Variants in ADAM22 observed in about 807,000 individuals in gnomAD.
ADAM22 encodes the protein ADAM metallopeptidase domain 22, also known as disintegrin and metalloproteinase domain-containing protein 22.
A neutral mutation model predicts 144.6 loss-of-function variants in ADAM22; 65 were observed. That is an observed-to-expected ratio of 0.45 (90% CI 0.37 to 0.55). ADAM22 has a LOEUF of 0.55. Ranked by LOEUF, ADAM22 falls within the 20% of genes least tolerant of loss-of-function variation. ADAM22 has a pLI of 0.00. For synonymous variants in ADAM22, 391 were observed against 412.6 expected (o/e 0.95, Z 0.63); for missense variants, 974 against 1,184.9 (o/e 0.82, Z 2.61).
At chr7:88,170,624 G>A (rs1355380037) in intron 25 of ADAM22, among the ~76,000 whole-genome samples, 1 of 151,918 alleles carries the variant, frequency 6.6e-6, no homozygotes, top group East Asian at 1.9e-4. Context: ...TTGCCGTCAT[G>A]TGCCCGTTAT....
At chr7:88,100,889 G>C (rs1005457820) in intron 4 of ADAM22, among the ~76,000 whole-genome samples, 11 of 151,888 alleles carry the variant, frequency 7.2e-5, no homozygotes, top group Non-Finnish European at 1.6e-4. Flanking sequence ...GATGCCAGTC[G>C]AGAGGGAGTT....
At chr7:88,050,811 C>T (rs960794841) in intron 3 of ADAM22, among the ~76,000 whole-genome samples, 1 of 152,130 alleles carries the variant, frequency 6.6e-6, no homozygotes, top group African/African-American at 2.4e-5. Context: ...CTGTAGGTTG[C>T]CTGTTCACTC....
At chr7:88,103,266 T>C (rs372610627) in intron 4 of ADAM22, among the ~76,000 whole-genome samples, 15 of 152,184 alleles carry the variant, frequency 9.9e-5, no homozygotes, top group African/African-American at 3.1e-4. Flanking sequence ...TATTAGGTTT[T>C]CCTCATTTTA....
At chr7:87,982,068 T>TATATATATATATACACACACACAC (rs1244517564) in intron 3 of ADAM22, among the ~76,000 whole-genome samples, 2 of 93,720 alleles carry the variant, frequency 2.1e-5, no homozygotes, top group Middle Eastern at 6.3e-3. Flanking sequence ...TATATATATA[T>TATATATATATATACACACACACAC]ACACACACAC....
chr7:88,056,658 A>T (rs986935660), intron 3 of ADAM22, among the ~76,000 whole-genome samples: 5 of 152,182 alleles, frequency 3.3e-5, no homozygotes, highest in African/African-American at 4.8e-5. Context: ...AATATATATG[A>T]TGTTTTCTCC....
rs780093481 is a variant in ADAM22, at chr7:88,149,025, A to G, written c.1534A>G (p.Ile512Val). The G allele has an allele frequency of 1.2e-6, 2 of 1,612,502 alleles. No homozygotes were observed. The highest frequency in any genetic ancestry group is 2.2e-5 in the East Asian group (1 of 44,798). ...CCGAGAAGCAGTAAATGATTGTGAT[A>G]TTCGTGAAACGTGCTCAGGAAATTC... Reference protein sequence around the residue: ...VCREAVNDCDIRETCSGNSSQ... With the variant: ...VCREAVNDCDVRETCSGNSSQ... The change falls in exon 18 of 32, where the codon ATT (isoleucine) becomes GTT (valine). Residue 512 changes from isoleucine to valine, a missense_variant. Physicochemically the swap from Ile to Val is conservative, Grantham distance 29. Transcript: ENST00000413139.
chr7:88,014,777 T>C (rs1163132906), intron 3 of ADAM22, among the ~76,000 whole-genome samples: 2 of 152,246 alleles, frequency 1.3e-5, no homozygotes, highest in Non-Finnish European at 2.9e-5. Flanking sequence ...GAGGTCACGT[T>C]TACCAAGTCA....
Position 88,181,499 on chromosome 7 carries a change from T to C in ADAM22, c.2496-6T>C. ...TTGAACAATTTATCAATATTTTCAA[T>C]TTCAGGTCAAATGGGCTCTCTCATT... On this transcript the variant is annotated splice_region_variant and splice_polypyrimidine_tract_variant and intron_variant, in intron 27 of 31. Coordinates refer to ENST00000413139, the MANE Select transcript of ADAM22 (RefSeq NM_001324418.2). The C allele has an allele frequency of 6.2e-7, 1 of 1,611,730 alleles. No homozygotes were observed. The highest frequency in any genetic ancestry group is 2.2e-5 in the East Asian group (1 of 44,848).
chr7:88,019,204 T>C (rs1410754251), intron 3 of ADAM22, among the ~76,000 whole-genome samples: 7 of 152,210 alleles, frequency 4.6e-5, no homozygotes. Flanking sequence ...CCAGGTGTCA[T>C]GGCTCACACC....
intron 2 of ADAM22, among the ~76,000 whole-genome samples, chr7:87,954,983 C>T (rs1459651165): frequency 2.0e-5 from 3 of 152,188 alleles, no homozygotes; most frequent in Non-Finnish European, 4.4e-5. Flanking sequence ...CTTTCAGCTC[C>T]ATCAGCTCCT....
At chr7:88,180,101 T>C (rs1334751414) in intron 27 of ADAM22, among the ~76,000 whole-genome samples, 1 of 152,080 alleles carries the variant, frequency 6.6e-6, no homozygotes, top group Non-Finnish European at 1.5e-5. Context: ...TAGTGAGACC[T>C]GGGAACTCTA....
At chr7:88,133,993 A>G (rs1429693875) in intron 12 of ADAM22, among the ~76,000 whole-genome samples, 3 of 152,204 alleles carry the variant, frequency 2.0e-5, no homozygotes, top group Non-Finnish European at 4.4e-5. Flanking sequence ...TTTATTTTGT[A>G]TTATCCAAAA....
intron 9 of ADAM22, among the ~76,000 whole-genome samples, chr7:88,129,353 T>C (rs1267191896): frequency 6.6e-6 from 1 of 152,110 alleles, no homozygotes. Flanking sequence ...TGCTGAATTT[T>C]ACTTAAGTTC....
At chr7:88,139,337 G>A (rs1158172875) in intron 14 of ADAM22, among the ~76,000 whole-genome samples, 1 of 151,982 alleles carries the variant, frequency 6.6e-6, no homozygotes, top group African/African-American at 2.4e-5. Context: ...AAAATTGCTT[G>A]AACCCAGGAG....
chr7:88,076,171 G>A (rs1228198865), intron 4 of ADAM22, among the ~76,000 whole-genome samples: 1 of 152,086 alleles, frequency 6.6e-6, no homozygotes, highest in Non-Finnish European at 1.5e-5. Flanking sequence ...CCGAGTAGCT[G>A]GGATTACAGG....
chr7:87,961,839 C>T (rs1011908953), intron 2 of ADAM22, among the ~76,000 whole-genome samples: 4 of 152,150 alleles, frequency 2.6e-5, no homozygotes, highest in African/African-American at 9.7e-5. Context: ...TTGGAACAGA[C>T]TATAAATGGG....
rs149555576 is a variant in ADAM22 at position 88,114,025 on chromosome 7, C to T, written c.474-559C>T. On this transcript the variant is annotated intron_variant, in intron 5 of 31. Transcript: ENST00000413139. ...TCCTTACTTATAAAATAAGGATAGT[C>T]GTTGTACTTCTCTTGTAGATTTGTG... Among the ~76,000 whole-genome samples, 4 of 151,862 alleles carry T rather than the reference C, an allele frequency of 2.6e-5. No individual in the cohort carries two copies. In the East Asian group the frequency reaches 7.8e-4, roughly 29 times the overall value.
intron 3 of ADAM22, among the ~76,000 whole-genome samples, chr7:87,987,307 T>G (rs1345838770): frequency 3.3e-5 from 5 of 152,126 alleles, no homozygotes; most frequent in Non-Finnish European, 5.9e-5. Flanking sequence ...GCCTCCCAAG[T>G]AGCTGGGATT....
intron 3 of ADAM22, among the ~76,000 whole-genome samples, chr7:87,988,709 T>C (rs1789045286): frequency 6.6e-6 from 1 of 152,218 alleles, no homozygotes; most frequent in African/African-American, 2.4e-5. Flanking sequence ...TTATTTTTTG[T>C]GCTGCCTTTG....
Sources: gnomAD v4.1 joint callset for allele counts (sites outside exome capture counted in the v4.1 genomes callset) on GRCh38, gnomAD v4.1.1 for gene constraint, MANE v1.5 for transcripts, NCBI Gene and HGNC (gene_info 2026-07-23, HGNC 2026-07-21) for gene names.